TM4SF19: variants seen among roughly 807,000 people sequenced by gnomAD.
TM4SF19 encodes the protein transmembrane 4 L six family member 19.
TM4SF19 carries 17 observed loss-of-function variants against 21.8 expected under a neutral mutation model. The ratio of observed to expected loss-of-function variants is 0.78; its 90% CI spans 0.53 to 1.17. TM4SF19 has a LOEUF of 1.17. Among genes scored for constraint, TM4SF19 ranks in the 50% most tolerant of loss-of-function variants. TM4SF19 has a pLI of 0.00. For missense variants in TM4SF19, 216 were observed against 252.1 expected, an observed-to-expected ratio of 0.86 and a Z score of 0.97; for synonymous variants, 107 against 106.7, an observed-to-expected ratio of 1.00 and a Z score of -0.02.
Position 196,326,958 on chromosome 3 carries a change from T to C in TM4SF19, c.276A>G (p.Arg92=). 6.2e-7 allele frequency: 1 copy of C among 1,609,732 alleles called. No individual in the cohort carries two copies. The highest frequency in any genetic ancestry group is 8.5e-7 in the Non-Finnish European group (1 of 1,176,382). ...AAGAGTGGAATCTGGTGCTTACGCT[T>C]CGACAGAGCCCACTCTTACTGAAGC... ...YGCFSKSGLC[R]SVLTALLSGG... The change falls in exon 3 of 5, where the codon CGA becomes CGG. Residue 92 remains arginine, a synonymous_variant. Transcript: ENST00000273695.
intron 1 of TM4SF19, among the ~76,000 whole-genome samples, chr3:196,337,925 T>C (rs1727838633): frequency 6.6e-6 from 1 of 151,494 alleles, no homozygotes; most frequent in Admixed American, 6.6e-5. Flanking sequence ...GATTCACAGC[T>C]GGTAACAGTA....
rs1331132114 is a variant in TM4SF19 at position 196,329,362 on chromosome 3, A to G, written c.-1-1771T>C. ...CACTATTACTTCACAACATATTCAAAAATTCACTTGAAATGGAGCATGGGT... is the reference window on the plus strand; with the variant it reads ...CACTATTACTTCACAACATATTCAAGAATTCACTTGAAATGGAGCATGGGT... On this transcript the variant is annotated intron_variant, in intron 1 of 4. Coordinates refer to ENST00000273695, the MANE Select transcript of TM4SF19 (RefSeq NM_138461.4). 3.1e-5 allele frequency among the ~76,000 whole-genome samples: 4 copies of G among 127,334 alleles called. 2 individuals carry two copies. The highest frequency in any genetic ancestry group is 6.9e-5 in the Non-Finnish European group (4 of 57,814). The allele number at this position is 127,334 out of a possible 152,430, so 83.5% of individuals were successfully genotyped here. A position where few individuals can be genotyped will look rare whatever the true frequency, so the allele number is the denominator to read the frequency against.
intron 1 of TM4SF19, among the ~76,000 whole-genome samples, chr3:196,330,892 C>G (rs1727479122): frequency 6.6e-6 from 1 of 152,082 alleles, no homozygotes; most frequent in Admixed American, 6.5e-5. Context: ...AATGTCATAT[C>G]TAGATAAATT....
At chr3:196,331,709 C>T (rs918279036) in intron 1 of TM4SF19, among the ~76,000 whole-genome samples, 3 of 151,936 alleles carry the variant, frequency 2.0e-5, no homozygotes, top group Non-Finnish European at 4.4e-5. Context: ...ATCACTTGAA[C>T]CCGGGAGGTG....
chr3:196,333,220 G>A (rs1243937123), intron 1 of TM4SF19, among the ~76,000 whole-genome samples: 1 of 152,184 alleles, frequency 6.6e-6, no homozygotes, highest in African/African-American at 2.4e-5. Context: ...CCATCATAAA[G>A]GGTAAGGAGT....
Position 196,327,600 on chromosome 3 carries a change from G to C in TM4SF19, c.-1-9C>G, listed in dbSNP as rs370162254. On this transcript the variant is annotated splice_polypyrimidine_tract_variant and intron_variant, in intron 1 of 4. Transcript: ENST00000273695. ...AGGGAGAGGACACCATCCTGGAACAGATAGAAAGGGAGTCGCAGCAGCTCT... is the reference window on the plus strand; with the variant it reads ...AGGGAGAGGACACCATCCTGGAACACATAGAAAGGGAGTCGCAGCAGCTCT... The C allele has an allele frequency of 1.2e-6, 2 of 1,611,674 alleles. No individual in the cohort carries two copies. The highest frequency in any genetic ancestry group is 3.3e-5 in the Admixed American group (2 of 59,980).
intron 1 of TM4SF19, among the ~76,000 whole-genome samples, chr3:196,337,393 CTG>C (rs1251098492): frequency 6.6e-6 from 1 of 152,124 alleles, no homozygotes; most frequent in Non-Finnish European, 1.5e-5. Flanking sequence ...GGTTGTTACA[CTG>C]TCTTTCTAAA....
intron 1 of TM4SF19, among the ~76,000 whole-genome samples, chr3:196,336,113 T>G (rs993305853): frequency 8.6e-5 from 12 of 139,652 alleles, no homozygotes; most frequent in African/African-American, 2.7e-4. Context: ...GAAAAGTCTG[T>G]TTTTTTTGTT....
In TM4SF19 at chr3:196,325,598, A is replaced by G. The variant is rs1727253796; in HGVS notation, c.280-1158T>C. ...TAACACCTACATAGCGTTTTTCTGC[A>G]GAGTCATGGAGTCATTCTCCCACTG... is the stretch of plus-strand genomic sequence containing the variant. On this transcript the variant is annotated intron_variant, in intron 3 of 4. Transcript: ENST00000273695. This position sits in a 1 kb window ranked among gnomAD's most constrained non-coding sequence, Gnocchi z 4.3. 6.6e-6 allele frequency: 1 copy of G among 152,210 alleles called. No homozygotes were observed. 9.4% of individuals were successfully genotyped at this position (152,210 alleles called of 1,614,324 possible).
intron 1 of TM4SF19, among the ~76,000 whole-genome samples, chr3:196,337,700 G>A (rs181632190): frequency 6.6e-6 from 1 of 152,266 alleles, no homozygotes; most frequent in Admixed American, 6.5e-5. Flanking sequence ...CAAGTCAAGG[G>A]TCTAACAGCA....
At chr3:196,334,283 A>G (rs1727632605) in intron 1 of TM4SF19, among the ~76,000 whole-genome samples, 1 of 152,086 alleles carries the variant, frequency 6.6e-6, no homozygotes, top group South Asian at 2.1e-4. Context: ...ATATCCTTTT[A>G]AAAACAGTTT....
chr3:196,337,824 C>T (rs1727834755), intron 1 of TM4SF19, among the ~76,000 whole-genome samples: 1 of 152,094 alleles, frequency 6.6e-6, no homozygotes, highest in Non-Finnish European at 1.5e-5. Flanking sequence ...AAACTTGCTT[C>T]AGCCTCTCCC....
At chr3:196,338,003 C>T (rs1727842412) in intron 1 of TM4SF19, among the ~76,000 whole-genome samples, 1 of 152,148 alleles carries the variant, frequency 6.6e-6, no homozygotes, top group African/African-American at 2.4e-5. Context: ...TCCTATCTGG[C>T]AGAAGCAAAA....
Position 196,327,607 on chromosome 3 carries a change from A to G in TM4SF19, c.-1-16T>C. The G allele has an allele frequency of 6.2e-7, 1 of 1,609,612 alleles. No individual in the cohort carries two copies. Among genetic ancestry groups the G allele is most frequent in the Non-Finnish European group, 8.5e-7 (1 of 1,177,276 alleles). Reference sequence around the variant, plus strand: ...GGACACCATCCTGGAACAGATAGAAAGGGAGTCGCAGCAGCTCTGCTGTGG... The same window carrying G: ...GGACACCATCCTGGAACAGATAGAAGGGGAGTCGCAGCAGCTCTGCTGTGG... On this transcript the variant is annotated splice_polypyrimidine_tract_variant and intron_variant, in intron 1 of 4. Coordinates refer to ENST00000273695, the MANE Select transcript of TM4SF19 (RefSeq NM_138461.4).
chr3:196,324,696 G>A, intron 3 of TM4SF19: 1 of 473,674 alleles, frequency 2.1e-6, no homozygotes, highest in South Asian at 3.0e-5. Flanking sequence ...CCAAGAAGCA[G>A]AATCGCAGGC....
At chr3:196,338,148 A>C (rs1727848021) in intron 1 of TM4SF19, 116 bp downstream of exon 1, 1 of 152,542 alleles carries the variant, frequency 6.6e-6, no homozygotes, top group Admixed American at 6.5e-5. Flanking sequence ...TGAATGGCGC[A>C]AAGTCACACA....
At position 196,325,780 on chromosome 3, in the gene TM4SF19, T is replaced by C. The variant is rs1727261177; in HGVS notation, c.279+1175A>G. Among the ~76,000 whole-genome samples, 1 of 152,096 alleles carries C rather than the reference T, an allele frequency of 6.6e-6. No individual in the cohort carries two copies. The highest frequency in any genetic ancestry group is 2.1e-4 in the South Asian group (1 of 4,824). On this transcript the variant is annotated intron_variant, in intron 3 of 4. Coordinates refer to ENST00000273695, the MANE Select transcript of TM4SF19 (RefSeq NM_138461.4). This position sits in a 1 kb window ranked among gnomAD's most constrained non-coding sequence, Gnocchi z 4.3. Reference sequence around the variant, plus strand: ...CGCATCACATCACCTGAGAACCTGTTAGAAATGCAAAACTTCCCCGCCATC... The same window carrying C: ...CGCATCACATCACCTGAGAACCTGTCAGAAATGCAAAACTTCCCCGCCATC...
In TM4SF19 at chr3:196,327,394, A is replaced by G. The variant is rs2108806897; in HGVS notation, c.197T>C (p.Leu66Pro). The part of the protein sequence containing the change: ...MLGTGLWGGG[L>P]MVLTAAILIS... ...CAGGGAACCCCGGACACTTACCATG[A>G]GGCCTCCTCCCCAGAGCCCAGTTCC... Residue 66 changes from leucine (L) to proline (P), a missense_variant, in exon 2 of 5, where the codon CTC (leucine) becomes CCC (proline). Transcript: ENST00000273695. The G allele has an allele frequency of 6.2e-7, 1 of 1,613,744 alleles. No individual in the cohort carries two copies.
rs534558092 is a variant in TM4SF19 at position 196,326,267 on chromosome 3, G to A, written c.279+688C>T. On this transcript the variant is annotated intron_variant, in intron 3 of 4. Coordinates refer to ENST00000273695, the MANE Select transcript of TM4SF19 (RefSeq NM_138461.4). ...TGGGATTACAGGCGTGAGCCACCGCGCCTGGCCTATATTTGATTTTTTAAC... is the reference window on the plus strand; with the variant it reads ...TGGGATTACAGGCGTGAGCCACCGCACCTGGCCTATATTTGATTTTTTAAC... Among the ~76,000 whole-genome samples the A allele has an allele frequency of 8.5e-5, 13 of 152,260 alleles. No homozygotes were observed. The East Asian group carries it at 9.6e-4, about 11-fold the overall frequency.
Sources: gnomAD v4.1 joint callset for allele counts (sites outside exome capture counted in the v4.1 genomes callset) on GRCh38, gnomAD v4.1.1 for gene constraint, Gnocchi (gnomAD v3.1) non-coding constraint, MANE v1.5 for transcripts, NCBI Gene and HGNC (gene_info 2026-07-23, HGNC 2026-07-21) for gene names.